Variants in PCDH15 observed in about 807,000 individuals in gnomAD.
PCDH15 encodes protocadherin-15.
PCDH15 carries 129 observed loss-of-function variants against 178.5 expected under a neutral mutation model. The ratio of observed to expected loss-of-function variants is 0.72; its 90% CI spans 0.63 to 0.84. The LOEUF is 0.84. PCDH15 is among the 40% of genes least tolerant of loss of function. The pLI, the probability that PCDH15 is intolerant of heterozygous loss-of-function variation, is 0.00. For missense variants in PCDH15, 2,230 were observed against 2,099.9 expected (o/e 1.06, Z -1.21); for synonymous variants, 800 against 732.0 (o/e 1.09, Z -1.50).
At chr10:54,146,924 A>ATATATATATAATGTATATATATAGTG (rs2043995722) in intron 14 of PCDH15, among the ~76,000 whole-genome samples, 9 of 73,416 alleles carry the variant, frequency 1.2e-4, no homozygotes, top group African/African-American at 3.0e-4. Flanking sequence ...TATATAGTGT[A>ATATATATATAATGTATATATATAGTG]TATATATATA....
intron 1 of PCDH15, among the ~76,000 whole-genome samples, chr10:55,314,599 GC>G (rs1315824779): frequency 6.6e-6 from 1 of 151,278 alleles, no homozygotes; most frequent in East Asian, 1.9e-4. Flanking sequence ...AATTCCAACT[GC>G]CTGTAACTTT....
rs1484045072 is a variant in PCDH15 at position 54,354,739 on chromosome 10, A to G, written c.475-8255T>C. Among the ~76,000 whole-genome samples the G allele has an allele frequency of 2.0e-5, 3 of 151,196 alleles. No individual in the cohort carries two copies. The East Asian group carries it at 5.8e-4, about 29-fold the overall frequency. ...AAATTGTAAACAAAACACACAAAAT[A>G]TGTAAAAAAGGATATTCAACTCTAT... is the stretch of plus-strand genomic sequence containing the variant. On this transcript the variant is annotated intron_variant, in intron 5 of 37. Coordinates refer to ENST00000644397, the MANE Select transcript of PCDH15 (RefSeq NM_001384140.1).
At chr10:54,611,692 A>T (rs981217418) in intron 2 of PCDH15, among the ~76,000 whole-genome samples, 1 of 151,842 alleles carries the variant, frequency 6.6e-6, no homozygotes, top group South Asian at 2.1e-4. Flanking sequence ...ATTACTCTGC[A>T]TTTAATCAAG....
chr10:54,156,165 T>C (rs1220853013), intron 13 of PCDH15, among the ~76,000 whole-genome samples: 1 of 152,206 alleles, frequency 6.6e-6, no homozygotes, highest in Non-Finnish European at 1.5e-5. Flanking sequence ...GCTATTTGTT[T>C]TTTTTATTTC....
In PCDH15 at chr10:54,470,068, G is replaced by A. The variant is rs927346374; in HGVS notation, c.157+57744C>T. The stretch of plus-strand genomic sequence containing the variant: ...CACATGGGCCTTCCCTCAGCCCCCC[G>A]GTAGTGTTTACAGTCACTGGCTGTG... On this transcript the variant is annotated intron_variant, in intron 3 of 37. Coordinates refer to ENST00000644397, the MANE Select transcript of PCDH15 (RefSeq NM_001384140.1). Among the ~76,000 whole-genome samples, 6 of 152,152 alleles carry A rather than the reference G, an allele frequency of 3.9e-5. 1 individual carries two copies. The highest frequency in any genetic ancestry group is 3.9e-4 in the East Asian group (2 of 5,180).
intron 1 of PCDH15, among the ~76,000 whole-genome samples, chr10:55,291,487 T>G (rs1843004947): frequency 6.6e-6 from 1 of 152,168 alleles, no homozygotes; most frequent in Admixed American, 6.6e-5. Context: ...TGTTATACAA[T>G]TTAAAAGATC....
At chr10:55,578,306 C>T (rs1481155762) in intron 2 of PCDH15, among the ~76,000 whole-genome samples, 2 of 152,132 alleles carry the variant, frequency 1.3e-5, no homozygotes, top group African/African-American at 4.8e-5. Flanking sequence ...CAATCTCCAC[C>T]TCCTGGGTTC....
intron 34 of PCDH15, among the ~76,000 whole-genome samples, chr10:53,816,944 T>A (rs369391704): frequency 8.5e-5 from 13 of 152,328 alleles, no homozygotes; most frequent in Middle Eastern, 6.8e-3. Flanking sequence ...TTGATCTGTT[T>A]CATAATAATA....
chr10:55,031,042 A>G (rs571732257), intron 2 of PCDH15, among the ~76,000 whole-genome samples: 1 of 152,274 alleles, frequency 6.6e-6, no homozygotes, highest in South Asian at 2.1e-4. Context: ...AAGTAGGCAC[A>G]CAAGACCTTG....
At chr10:54,311,158 T>C (rs993412234) in intron 8 of PCDH15, among the ~76,000 whole-genome samples, 12 of 152,042 alleles carry the variant, frequency 7.9e-5, no homozygotes, top group African/African-American at 2.7e-4. Flanking sequence ...ATCCAATGGT[T>C]TTAAACAGGG....
intron 2 of PCDH15, among the ~76,000 whole-genome samples, chr10:55,009,548 C>T (rs1224643927): frequency 6.6e-6 from 1 of 151,974 alleles, no homozygotes. Flanking sequence ...AAGCAAAATT[C>T]ATAATTATTA....
intron 2 of PCDH15, among the ~76,000 whole-genome samples, chr10:54,613,164 A>C (rs1178944638): frequency 1.3e-5 from 2 of 151,856 alleles, no homozygotes; most frequent in East Asian, 3.9e-4. Flanking sequence ...CGCTTTAGAG[A>C]GTGAAAGAGT....
intron 3 of PCDH15, among the ~76,000 whole-genome samples, chr10:54,386,343 G>C (rs887918476): frequency 6.6e-5 from 10 of 151,910 alleles, no homozygotes; most frequent in African/African-American, 2.4e-4. Context: ...CACATTCAAA[G>C]TTGTCCTAGG....
chr10:55,148,593 AC>A (rs1185455747), intron 2 of PCDH15, among the ~76,000 whole-genome samples: 1 of 151,752 alleles, frequency 6.6e-6, no homozygotes, highest in Non-Finnish European at 1.5e-5. Context: ...TTAAAATTTA[AC>A]CTTTCAGATC....
At chr10:54,252,576 C>T (rs1350977796) in intron 8 of PCDH15, among the ~76,000 whole-genome samples, 2 of 152,132 alleles carry the variant, frequency 1.3e-5, no homozygotes, top group Non-Finnish European at 2.9e-5. Flanking sequence ...GCAGTCCAGT[C>T]CAGAGGAAAG....
intron 2 of PCDH15, among the ~76,000 whole-genome samples, chr10:55,151,398 A>T (rs760683456): frequency 6.6e-6 from 1 of 152,116 alleles, no homozygotes; most frequent in Non-Finnish European, 1.5e-5. Context: ...CTATTAAGTG[A>T]CTTTATATAT....
intron 2 of PCDH15, among the ~76,000 whole-genome samples, chr10:55,150,390 A>C (rs1838675514): frequency 6.6e-6 from 1 of 152,142 alleles, no homozygotes; most frequent in African/African-American, 2.4e-5. Context: ...GCTTTTTGGC[A>C]CCAGCAAAGT....
At chr10:55,101,750 T>C (rs1842582224) in intron 2 of PCDH15, among the ~76,000 whole-genome samples, 1 of 151,546 alleles carries the variant, frequency 6.6e-6, no homozygotes, top group South Asian at 2.1e-4. Context: ...ATATAATAAA[T>C]ATATTTTGCA....
rs144402024 is a variant in PCDH15 at position 54,968,678 on chromosome 10, T to C, written c.-79-71178A>G. On this transcript the variant is annotated intron_variant, in intron 2 of 5. Coordinates refer to the PCDH15 transcript ENST00000458638. Reference sequence around the variant, plus strand: ...CTTGAATCTGCCCGTGTGTAGAGTCTGTCGAATCTGGAAATTTGCAGCCAT... The same window carrying C: ...CTTGAATCTGCCCGTGTGTAGAGTCCGTCGAATCTGGAAATTTGCAGCCAT... Among the ~76,000 whole-genome samples the C allele has an allele frequency of 5.2e-3, 793 of 152,254 alleles. 5 individuals are homozygous for C. The highest frequency in any genetic ancestry group is 0.018 in the African/African-American group (757 of 41,556).
Sources: gnomAD v4.1 joint callset for allele counts (sites outside exome capture counted in the v4.1 genomes callset) on GRCh38, gnomAD v4.1.1 for gene constraint, MANE v1.5 for transcripts, NCBI Gene and HGNC (gene_info 2026-07-23, HGNC 2026-07-21) for gene names.